RPS6KC1: variants seen among roughly 807,000 people sequenced by gnomAD.
The protein encoded by RPS6KC1 is inactive ribosomal protein S6 kinase delta-1.
A neutral mutation model predicts 103.8 loss-of-function variants in RPS6KC1; 54 were observed. The observed-to-expected ratio is 0.52, with a 90% confidence interval of 0.42 to 0.65. The LOEUF (loss-of-function observed/expected upper bound fraction) is 0.65. RPS6KC1 is among the 30% of genes least tolerant of loss of function. RPS6KC1 has a pLI of 0.00. For missense variants in RPS6KC1, 1,151 were observed against 1,253.8 expected (o/e 0.92, Z 1.24); for synonymous variants, 439 against 438.7 (o/e 1.00, Z -0.01).
chr1:213,717,232 CA>C, the RPS6KC1 span, among the ~76,000 whole-genome samples: 4 of 152,292 alleles, frequency 2.6e-5, no homozygotes, highest in South Asian at 4.1e-4. Flanking sequence ...TGCAAGGAAA[CA>C]GAAAGATAAA....
In RPS6KC1 at chr1:213,082,587, T is replaced by C. The variant is rs1023807038; in HGVS notation, c.262+4771T>C. Among the ~76,000 whole-genome samples the C allele has an allele frequency of 9.8e-5, 15 of 152,344 alleles. No homozygotes were observed. In the South Asian group the frequency reaches 1.4e-3, roughly 15 times the overall value. Reference sequence around the variant, plus strand: ...GTTGCAGAAAGTTTAGCAACACTGTTGCCTACAGTTATGTGGAAAGTTGAA... The same window carrying C: ...GTTGCAGAAAGTTTAGCAACACTGTCGCCTACAGTTATGTGGAAAGTTGAA... On this transcript the variant is annotated intron_variant, in intron 3 of 14. Coordinates refer to ENST00000366960, the MANE Select transcript of RPS6KC1 (RefSeq NM_012424.6).
At chr1:213,736,783 G>T in the RPS6KC1 span, among the ~76,000 whole-genome samples, 1 of 152,220 alleles carries the variant, frequency 6.6e-6, no homozygotes, top group Non-Finnish European at 1.5e-5. Flanking sequence ...AGCACTGAAA[G>T]TCCTGCATTC....
intron 8 of RPS6KC1, among the ~76,000 whole-genome samples, chr1:213,202,920 T>C (rs1364265177): frequency 1.3e-5 from 2 of 152,168 alleles, no homozygotes; most frequent in African/African-American, 4.8e-5. Flanking sequence ...TGTACTGTGG[T>C]TTATTTAATT....
At chr1:213,216,934 T>C (rs937194730) in intron 8 of RPS6KC1, among the ~76,000 whole-genome samples, 2 of 150,994 alleles carry the variant, frequency 1.3e-5, no homozygotes, top group African/African-American at 4.9e-5. Flanking sequence ...GATCTAAAAT[T>C]GACACCCTAA....
In RPS6KC1 at chr1:213,241,611, A is replaced by C. The variant is rs1172200323; in HGVS notation, c.2135A>C (p.Lys712Thr). 3 of 1,613,940 alleles carry C rather than the reference A, an allele frequency of 1.9e-6. No individual in the cohort carries two copies. Among genetic ancestry groups the C allele is most frequent in the South Asian group, 2.2e-5 (2 of 91,078 alleles). ...TREAAAMGPT[K>T]FTQTNIGIIE... is the part of the protein sequence containing the mutation. ...GAAGCTGCAGCAATGGGACCTACTAAGTTTACACAAACTAATATAGGGATA... is the reference window on the plus strand; with the variant it reads ...GAAGCTGCAGCAATGGGACCTACTACGTTTACACAAACTAATATAGGGATA... Residue 712 changes from lysine to threonine, a missense_variant, in exon 11 of 15, where the codon AAG (lysine) becomes ACG (threonine). Physicochemically the swap from Lys to Thr is moderately conservative, Grantham distance 78. Coordinates refer to ENST00000366960, the MANE Select transcript of RPS6KC1 (RefSeq NM_012424.6).
chr1:213,052,464 A>G (rs911085396), intron 1 of RPS6KC1, among the ~76,000 whole-genome samples: 3 of 152,158 alleles, frequency 2.0e-5, no homozygotes, highest in African/African-American at 7.2e-5. Flanking sequence ...AACTTTATCA[A>G]TTTTTAAAGA....
chr1:213,265,033 A>G (rs2094882005), intron 14 of RPS6KC1, among the ~76,000 whole-genome samples: 1 of 152,216 alleles, frequency 6.6e-6, no homozygotes, highest in Non-Finnish European at 1.5e-5. Flanking sequence ...TTGCTTGGTC[A>G]GTTTTAAGAA....
At chr1:213,782,731 G>C in the RPS6KC1 span, among the ~76,000 whole-genome samples, 2 of 152,082 alleles carry the variant, frequency 1.3e-5, no homozygotes, top group African/African-American at 4.8e-5. Context: ...AAGCAACGAG[G>C]TCATTTCATG....
the RPS6KC1 span, among the ~76,000 whole-genome samples, chr1:213,633,911 A>AAAAAAAAAAAAAAAAAAT: frequency 8.7e-6 from 1 of 114,520 alleles, no homozygotes. Flanking sequence ...AAAAAAAAAA[A>AAAAAAAAAAAAAAAAAAT]AAGCAGGGGT....
the RPS6KC1 span, among the ~76,000 whole-genome samples, chr1:213,726,235 G>A: frequency 5.9e-5 from 9 of 152,122 alleles, no homozygotes; most frequent in South Asian, 4.1e-4. Flanking sequence ...ACAGGTGCAC[G>A]CTACTACATC....
the RPS6KC1 span, among the ~76,000 whole-genome samples, chr1:213,367,072 G>T: frequency 1.3e-5 from 2 of 152,144 alleles, no homozygotes; most frequent in Non-Finnish European, 2.9e-5. Flanking sequence ...CACCATTCAG[G>T]TTGCTCTCCT....
At chr1:213,852,982 A>G in the RPS6KC1 span, among the ~76,000 whole-genome samples, 2 of 152,216 alleles carry the variant, frequency 1.3e-5, no homozygotes, top group Non-Finnish European at 2.9e-5. Context: ...GAAGTTCCCC[A>G]TGGACTCAGT....
chr1:213,770,388 A>G, the RPS6KC1 span, among the ~76,000 whole-genome samples: 1 of 152,146 alleles, frequency 6.6e-6, no homozygotes, highest in Admixed American at 6.5e-5. Context: ...ATGGGTCACG[A>G]TTTACCCAAT....
At chr1:213,753,950 C>T in the RPS6KC1 span, among the ~76,000 whole-genome samples, 1 of 152,200 alleles carries the variant, frequency 6.6e-6, no homozygotes, top group Non-Finnish European at 1.5e-5. Flanking sequence ...TGTACTAATA[C>T]CTCTCCACCA....
chr1:213,244,819 T>C (rs1026395295), intron 12 of RPS6KC1, among the ~76,000 whole-genome samples: 3 of 152,196 alleles, frequency 2.0e-5, no homozygotes, highest in East Asian at 1.9e-4. Flanking sequence ...CTCTTCCAGG[T>C]TGTCCTTCAC....
intron 7 of RPS6KC1, among the ~76,000 whole-genome samples, chr1:213,175,443 G>T (rs1042582476): frequency 1.3e-5 from 2 of 152,126 alleles, no homozygotes; most frequent in Non-Finnish European, 2.9e-5. Context: ...TAGCAATAAG[G>T]TCTGCTCTAA....
At chr1:213,463,678 G>C in the RPS6KC1 span, among the ~76,000 whole-genome samples, 1 of 152,152 alleles carries the variant, frequency 6.6e-6, no homozygotes, top group Non-Finnish European at 1.5e-5. Flanking sequence ...GCCCTCAAGA[G>C]TTGGCCAAAC....
the RPS6KC1 span, among the ~76,000 whole-genome samples, chr1:213,494,030 C>G: frequency 6.6e-5 from 10 of 151,934 alleles, no homozygotes; most frequent in African/African-American, 2.4e-4. Context: ...GGTAAACAAG[C>G]CTTCCAAGTG....
the RPS6KC1 span, among the ~76,000 whole-genome samples, chr1:213,476,029 G>A: frequency 1.3e-4 from 20 of 150,142 alleles, no homozygotes; most frequent in African/African-American, 4.8e-4. Context: ...TCATCTCTGC[G>A]GCCCACAGTG....
Sources: allele counts gnomAD v4.1 joint callset (sites outside exome capture counted in the v4.1 genomes callset), GRCh38; gene constraint gnomAD v4.1.1; transcripts MANE v1.5; gene names NCBI Gene and HGNC (gene_info 2026-07-23, HGNC 2026-07-21).